The following MACC1 variants were observed in gnomAD, a reference collection of about 807,000 sequenced individuals.
MACC1 encodes the protein MET transcriptional regulator MACC1, also known as metastasis-associated in colon cancer protein 1.
Under a neutral mutation model 70.7 loss-of-function variants are expected in MACC1, and 79 were observed. The observed-to-expected ratio is 1.12, with a 90% CI of 0.93 to 1.35. The LOEUF is 1.35. Ranked by LOEUF, MACC1 falls within the 40% of genes most tolerant of loss-of-function variation. MACC1 has a pLI of 0.00. For missense variants in MACC1, 1,106 were observed against 978.1 expected (o/e 1.13, Z -1.74); for synonymous variants, 361 against 347.2 (o/e 1.04, Z -0.44).
intron 1 of MACC1, among the ~76,000 whole-genome samples, chr7:20,198,975 T>C (rs1397844709): frequency 6.6e-6 from 1 of 152,240 alleles, no homozygotes; most frequent in Non-Finnish European, 1.5e-5. Flanking sequence ...TGTTACAAAA[T>C]ACTTCTCAAA....
intron 6 of MACC1, among the ~76,000 whole-genome samples, chr7:20,145,044 T>A (rs555008913): frequency 6.6e-6 from 1 of 152,236 alleles, no homozygotes; most frequent in Admixed American, 6.5e-5. Context: ...TCCTCCCAAC[T>A]CCATGTTCCA....
rs189151977 is a variant in MACC1, at chr7:20,183,853, G to A, written c.-217-13075C>T. 8.0e-3 allele frequency among the ~76,000 whole-genome samples: 1,216 copies of A among 151,802 alleles called. 5 individuals are homozygous for A. Among genetic ancestry groups the A allele is most frequent in the Middle Eastern group, 0.017 (5 of 294 alleles). ...TTCCCAAGTAACTGGGATCACAGGC[G>A]CCCGCCACCATGCCCAGCTAATTTT... On this transcript the variant is annotated intron_variant, in intron 1 of 6. Transcript: ENST00000400331.
chr7:20,194,223 T>C (rs761947185), intron 1 of MACC1, among the ~76,000 whole-genome samples: 16 of 152,308 alleles, frequency 1.1e-4, no homozygotes, highest in Middle Eastern at 3.4e-3. Flanking sequence ...CCGCTTTTTT[T>C]ATATCCTAAT....
intron 6 of MACC1, among the ~76,000 whole-genome samples, chr7:20,142,572 GGCATCT>G (rs1465688662): frequency 6.6e-6 from 1 of 152,154 alleles, no homozygotes; most frequent in Non-Finnish European, 1.5e-5. Context: ...ATGTGAATGA[GGCATCT>G]GCTCATCTAT....
chr7:20,191,752 G>A (rs966065733), intron 1 of MACC1, among the ~76,000 whole-genome samples: 3 of 152,104 alleles, frequency 2.0e-5, no homozygotes, highest in South Asian at 2.1e-4. Flanking sequence ...ACTAAAATAC[G>A]GCTGGCAATA....
At chr7:20,197,617 T>C (rs914667296) in intron 1 of MACC1, among the ~76,000 whole-genome samples, 6 of 152,234 alleles carry the variant, frequency 3.9e-5, no homozygotes, top group East Asian at 3.8e-4. Context: ...ACTGAATTTA[T>C]CTGAGAGTGT....
At chr7:20,152,541 A>C (rs1319417595) in intron 6 of MACC1, among the ~76,000 whole-genome samples, 1 of 152,218 alleles carries the variant, frequency 6.6e-6, no homozygotes, top group Non-Finnish European at 1.5e-5. Flanking sequence ...TTTTCTAAGT[A>C]TTTAATAACA....
chr7:20,159,981 C>T lies in MACC1; in HGVS notation c.380G>A (p.Arg127Lys), dbSNP rs374671280. 4.3e-6 allele frequency: 7 copies of T among 1,613,906 alleles called. No individual in the cohort carries two copies. The highest frequency in any genetic ancestry group is 5.9e-6 in the Non-Finnish European group (7 of 1,179,998). ...TCCAGAATTTCTTGAGGAAGTCTGCCTAAGTAACTGATGCACATCAAGTTC... is the reference window on the plus strand; with the variant it reads ...TCCAGAATTTCTTGAGGAAGTCTGCTTAAGTAACTGATGCACATCAAGTTC... ...GDELDVHQLLRQTSSRNSGRS... is the reference protein window; with the variant it reads ...GDELDVHQLLKQTSSRNSGRS... The change falls in exon 5 of 7, where the codon AGG becomes AAG. Residue 127 changes from arginine to lysine, a missense_variant. Arg to Lys is a conservative substitution (Grantham distance 26, BLOSUM62 2). Transcript: ENST00000400331.
intron 1 of MACC1, among the ~76,000 whole-genome samples, chr7:20,176,154 AGAATATTTTTAGGTTTCT>A (rs1396766670): frequency 6.6e-6 from 1 of 152,174 alleles, no homozygotes; most frequent in African/African-American, 2.4e-5. Context: ...TTATTAATAG[AGAATATTTTTAGGTTTCT>A]GAATAGACTA....
At chr7:20,161,519 C>T (rs1464602500) in intron 4 of MACC1, among the ~76,000 whole-genome samples, 4 of 151,974 alleles carry the variant, frequency 2.6e-5, no homozygotes, top group Non-Finnish European at 5.9e-5. Context: ...ATAGTTATTG[C>T]ATATAACACT....
rs1379004768 is a variant in MACC1 at position 20,138,402 on chromosome 7, T to C, written c.*2544A>G. On this transcript the variant is annotated 3_prime_UTR_variant, in exon 7 of 7. Transcript: ENST00000400331. ...CTAACAAGATCTCTGTCTTCTTAGATCTTGGAGCCTGGAAAAACCCAGTTA... is the reference window on the plus strand; with the variant it reads ...CTAACAAGATCTCTGTCTTCTTAGACCTTGGAGCCTGGAAAAACCCAGTTA... The C allele has an allele frequency of 6.6e-6, 1 of 152,064 alleles. No individual in the cohort carries two copies. Among genetic ancestry groups the C allele is most frequent in the African/African-American group, 2.4e-5 (1 of 41,396 alleles). The allele number at this position is 152,064 out of a possible 1,614,324, so 9.4% of individuals were successfully genotyped here. A position where few individuals can be genotyped will look rare whatever the true frequency, so the allele number is the denominator to read the frequency against.
chr7:20,176,136 C>T (rs1782389422), intron 1 of MACC1, among the ~76,000 whole-genome samples: 1 of 152,100 alleles, frequency 6.6e-6, no homozygotes, highest in Admixed American at 6.5e-5. Flanking sequence ...CAAATGTTCT[C>T]TCAAAACTTA....
intron 1 of MACC1, among the ~76,000 whole-genome samples, chr7:20,187,151 T>C (rs1466715226): frequency 6.6e-6 from 1 of 152,220 alleles, no homozygotes; most frequent in Non-Finnish European, 1.5e-5. Flanking sequence ...ATGTAAATGG[T>C]AAGACCATAC....
At chr7:20,187,989 C>T (rs1451312259) in intron 1 of MACC1, among the ~76,000 whole-genome samples, 1 of 152,112 alleles carries the variant, frequency 6.6e-6, no homozygotes, top group African/African-American at 2.4e-5. Flanking sequence ...GGGGAGGCCT[C>T]GGGAAACTTA....
chr7:20,164,527 T>G (rs899854037), intron 2 of MACC1, 128 bp from the exon 3 acceptor site: 1 of 152,034 alleles, frequency 6.6e-6, no homozygotes, highest in South Asian at 2.1e-4. Flanking sequence ...AAAAATTGTC[T>G]CATAAGGTGG....
chr7:20,169,535 T>C (rs1051593091), intron 2 of MACC1, among the ~76,000 whole-genome samples: 2 of 152,226 alleles, frequency 1.3e-5, no homozygotes, highest in Admixed American at 1.3e-4. Context: ...AATTCTGTAT[T>C]TGTTTTCTCT....
intron 1 of MACC1, among the ~76,000 whole-genome samples, chr7:20,204,137 T>C (rs116543172): frequency 6.6e-6 from 1 of 152,172 alleles, no homozygotes; most frequent in Non-Finnish European, 1.5e-5. Context: ...TATTGCTCAA[T>C]TTATTGCTCA....
intron 1 of MACC1, among the ~76,000 whole-genome samples, chr7:20,209,237 C>T (rs963324400): frequency 1.3e-5 from 2 of 152,144 alleles, no homozygotes; most frequent in African/African-American, 4.8e-5. Context: ...CCTCCAGGAC[C>T]AAGAATGGTA....
At chr7:20,180,771 C>T (rs1251595448) in intron 1 of MACC1, among the ~76,000 whole-genome samples, 1 of 152,040 alleles carries the variant, frequency 6.6e-6, no homozygotes, top group Non-Finnish European at 1.5e-5. Context: ...CACTTGAATC[C>T]GGGAAGCAGA....
Sources: allele counts gnomAD v4.1 joint callset (sites outside exome capture counted in the v4.1 genomes callset), GRCh38; gene constraint gnomAD v4.1.1; transcripts MANE v1.5; gene names NCBI Gene and HGNC (gene_info 2026-07-23, HGNC 2026-07-21).